Variants in TMEM63A observed in about 807,000 individuals in gnomAD.
TMEM63A encodes the protein transmembrane protein 63A, also known as mechanosensitive cation channel TMEM63A.
A neutral mutation model predicts 100.6 loss-of-function variants in TMEM63A; 76 were observed. The ratio of observed to expected loss-of-function variants is 0.76; its 90% CI spans 0.63 to 0.91. The LOEUF (loss-of-function observed/expected upper bound fraction) is 0.91, where lower values mean the gene tolerates loss of function less well. Ranked by LOEUF, TMEM63A falls within the 40% of genes least tolerant of loss-of-function variation. The probability of loss-of-function intolerance (pLI) is 0.00; values close to 1 mark genes in which losing one functional copy is unlikely to be tolerated. For synonymous variants in TMEM63A, 401 were observed against 401.1 expected (o/e 1.00, Z 0.00); for missense variants, 876 against 1,008.8 (o/e 0.87, Z 1.78).
rs536268821 is a variant in TMEM63A at position 225,853,328 on chromosome 1, G to A, written c.1797+301C>T. Among the ~76,000 whole-genome samples the A allele has an allele frequency of 6.6e-6, 1 of 152,292 alleles. No individual in the cohort carries two copies. Among genetic ancestry groups the A allele is most frequent in the African/African-American group, 2.4e-5 (1 of 41,552 alleles). On this transcript the variant is annotated intron_variant, in intron 19 of 24. Coordinates refer to ENST00000366835, the MANE Select transcript of TMEM63A (RefSeq NM_014698.3). This position sits in a 1 kb window ranked among gnomAD's most constrained non-coding sequence, Gnocchi z 4.0. Reference sequence around the variant, plus strand: ...GTTTGGCTAAGAATTTATGCAAATGGGTGCCTACAGAAAAAGAGTCTGTTG... The same window carrying A: ...GTTTGGCTAAGAATTTATGCAAATGAGTGCCTACAGAAAAAGAGTCTGTTG...
In TMEM63A at chr1:225,860,973, G is replaced by C. The variant is rs747166464; in HGVS notation, c.1110C>G (p.Cys370Trp). Residue 370 changes from cysteine (C) to tryptophan (W), a missense_variant, in exon 14 of 25, where the codon TGC becomes TGG. Physicochemically the swap from Cys to Trp is radical, Grantham distance 215. This residue lies in a region of TMEM63A where 487 missense variants were observed against 581.9 expected (regional missense o/e 0.84). Coordinates refer to ENST00000366835, the MANE Select transcript of TMEM63A (RefSeq NM_014698.3). The stretch of plus-strand genomic sequence containing the variant: ...CTTTGCACTGAAGGCTCTGACACTT[G>C]CAGGCATTGAAATCTTTCAGGATGC... Reference protein sequence around the residue: ...ATYILKDFNACKCQSLQCKGE... With the variant: ...ATYILKDFNAWKCQSLQCKGE... 1.2e-6 allele frequency: 2 copies of C among 1,611,766 alleles called. No individual in the cohort carries two copies. Among genetic ancestry groups the C allele is most frequent in the South Asian group, 1.1e-5 (1 of 90,670 alleles).
At chr1:225,848,371 G>T in intron 23 of TMEM63A, 121 bp downstream of exon 23, 1 of 1,013,124 alleles carries the variant, frequency 9.9e-7, no homozygotes, top group East Asian at 2.5e-5. Context: ...TCACAAACTT[G>T]CCTGCCATGT....
At chr1:225,850,474 A>C (rs1471645709) in intron 20 of TMEM63A, among the ~76,000 whole-genome samples, 1 of 152,162 alleles carries the variant, frequency 6.6e-6, no homozygotes, top group East Asian at 1.9e-4. Context: ...GAGTTTACCT[A>C]AATAGCTTGT....
downstream of TMEM63A, among the ~76,000 whole-genome samples, chr1:225,844,919 G>T (rs1426899940): frequency 6.6e-6 from 1 of 152,154 alleles, no homozygotes; most frequent in African/African-American, 2.4e-5. Context: ...ACCCTCAAAG[G>T]TGGGGATTTA....
intron 6 of TMEM63A, among the ~76,000 whole-genome samples, chr1:225,869,041 G>C (rs1670361748): frequency 6.6e-6 from 1 of 152,242 alleles, no homozygotes; most frequent in Non-Finnish European, 1.5e-5. Context: ...TTTGGGAAGA[G>C]CTCAGGGGGG....
intron 2 of TMEM63A, among the ~76,000 whole-genome samples, chr1:225,878,059 G>A (rs531888862): frequency 6.6e-6 from 1 of 152,196 alleles, no homozygotes; most frequent in South Asian, 2.1e-4. Context: ...AAACAACCAG[G>A]GAAGAAGGGA....
At chr1:225,866,501 C>G in intron 9 of TMEM63A, 73 bp downstream of exon 9, 1 of 1,377,346 alleles carries the variant, frequency 7.3e-7, no homozygotes, top group Non-Finnish European at 1.0e-6. Flanking sequence ...GTGGCAGAGC[C>G]TGGGAGGCCC....
intron 6 of TMEM63A, among the ~76,000 whole-genome samples, chr1:225,870,298 G>A (rs1171128194): frequency 6.6e-6 from 1 of 151,520 alleles, no homozygotes; most frequent in Non-Finnish European, 1.5e-5. Context: ...GCTGCGGTGA[G>A]CCGAGATCGT....
At chr1:225,848,828 G>T in intron 22 of TMEM63A, 69 bp downstream of exon 22, 1 of 1,277,902 alleles carries the variant, frequency 7.8e-7, no homozygotes, top group Non-Finnish European at 1.1e-6. Context: ...GGGCGGGGTT[G>T]ACAGCGAGCC....
intron 9 of TMEM63A, 61 bp from the exon 10 acceptor site, chr1:225,866,028 G>T: frequency 1.3e-6 from 2 of 1,562,844 alleles, no homozygotes; most frequent in South Asian, 1.1e-5. Context: ...GGTATGCTCA[G>T]GTTTCCTACC....
At chr1:225,841,601 C>CTT (rs35827447), downstream of TMEM63A, among the ~76,000 whole-genome samples, 609 of 104,394 alleles carry the variant, frequency 5.8e-3, 15 homozygotes, top group African/African-American at 0.018. Flanking sequence ...CTGTCCCAGC[C>CTT]TTTTTTTTTT....
At chr1:225,847,363 G>A (rs527804468) in intron 23 of TMEM63A, 150 bp from the exon 24 acceptor site, 96 of 934,900 alleles carry the variant, frequency 1.0e-4, no homozygotes, top group East Asian at 5.7e-4. Flanking sequence ...CATTAAGACC[G>A]AAAATATGAC....
chr1:225,844,713 G>A (rs1409109890), downstream of TMEM63A: 5 of 1,576,514 alleles, frequency 3.2e-6, no homozygotes, highest in Admixed American at 3.6e-5. Context: ...ACTTGGTGGT[G>A]GGATAAGTAT....
intron 4 of TMEM63A, 108 bp downstream of exon 4, chr1:225,874,180 C>T: frequency 9.0e-7 from 1 of 1,112,870 alleles, no homozygotes; most frequent in Non-Finnish European, 1.3e-6. Flanking sequence ...CACACACACA[C>T]ACACTATACA....
Position 225,847,209 on chromosome 1 carries a change from T to C in TMEM63A, c.2255A>G (p.Tyr752Cys), listed in dbSNP as rs200897453. 5.3e-5 allele frequency: 86 copies of C among 1,612,786 alleles called. No individual in the cohort carries two copies. Among genetic ancestry groups the C allele is most frequent in the Non-Finnish European group, 6.6e-5 (78 of 1,179,598 alleles). Residue 752 changes from tyrosine (Y) to cysteine (C), a missense_variant, in exon 24 of 25, where the codon TAC becomes TGC. Physicochemically the swap from Tyr to Cys is radical, Grantham distance 194. This residue lies in a region of TMEM63A where 339 missense variants were observed against 342.3 expected (regional missense o/e 0.99). Transcript: ENST00000366835. ...CAAGCCGTTCAGAATCCGAGGCACG[T>C]AGGGCTGTCAGCAAATGGATTTGTG... ...EAHMPPPFTP[Y>C]VPRILNGLAS...
At position 225,866,568 on chromosome 1, in the gene TMEM63A, A is replaced by C; in HGVS notation, c.675+6T>G. On this transcript the variant is annotated splice_donor_region_variant and intron_variant, in intron 9 of 24. Transcript: ENST00000366835. ...AGCACATGTCCCTAAGTCCCGCCTCACTCACCAGGTTCTCCTCTTTGTACT... is the reference window on the plus strand; with the variant it reads ...AGCACATGTCCCTAAGTCCCGCCTCCCTCACCAGGTTCTCCTCTTTGTACT... The C allele has an allele frequency of 6.2e-7, 1 of 1,613,050 alleles. No homozygotes were observed. The highest frequency in any genetic ancestry group is 1.1e-5 in the South Asian group (1 of 90,998).
rs571069191 is a variant in TMEM63A at position 225,848,540 on chromosome 1, T to G, written c.2202A>C (p.Ala734=). 1 of 1,614,150 alleles carries G rather than the reference T, an allele frequency of 6.2e-7. No individual in the cohort carries two copies. The highest frequency in any genetic ancestry group is 1.7e-5 in the Admixed American group (1 of 60,024). ...SPLNYKTEEP[A]SDKGSEAEAH... ...CCTCTGCCTCACTTCCTTTGTCACT[T>G]GCAGGCTCTTCTGTCTGCAGATAAC... Residue 734 remains alanine, a synonymous_variant, in exon 23 of 25, where the codon GCA becomes GCC. Transcript: ENST00000366835.
chr1:225,871,863 G>T, intron 5 of TMEM63A, 124 bp downstream of exon 5: 1 of 702,856 alleles, frequency 1.4e-6, no homozygotes, highest in Non-Finnish European at 2.5e-6. Flanking sequence ...AGGTGCCTTC[G>T]TCGATGCAGA....
chr1:225,863,016 G>C lies in TMEM63A; in HGVS notation c.747-165C>G, dbSNP rs549992277. On this transcript the variant is annotated intron_variant, in intron 10 of 24. Coordinates refer to ENST00000366835, the MANE Select transcript of TMEM63A (RefSeq NM_014698.3). ...CTCTTTGTCTTTTATCCTCCAAAAGGGGGAAATTTTGAAATTTAATACAAA... is the reference window on the plus strand; with the variant it reads ...CTCTTTGTCTTTTATCCTCCAAAAGCGGGAAATTTTGAAATTTAATACAAA... The C allele has an allele frequency of 1.4e-5, 9 of 660,238 alleles. No homozygotes were observed. In the African/African-American group the frequency reaches 1.6e-4, roughly 12 times the overall value. The allele number at this position is 660,238 out of a possible 1,614,324, so 40.9% of individuals were successfully genotyped here.
Sources: allele counts gnomAD v4.1 joint callset (sites outside exome capture counted in the v4.1 genomes callset), GRCh38; gene constraint gnomAD v4.1.1; regional missense constraint gnomAD v4.1.1; non-coding constraint Gnocchi (gnomAD v3.1); transcripts MANE v1.5; gene names NCBI Gene and HGNC (gene_info 2026-07-23, HGNC 2026-07-21).